RASL12: variants seen among roughly 807,000 people sequenced by gnomAD.
RASL12 encodes the protein RAS like family 12, also known as ras-like protein family member 12.
Under a neutral mutation model 22.9 loss-of-function variants are expected in RASL12, and 16 were observed. That is an observed-to-expected ratio of 0.70 (90% CI 0.47 to 1.06). The LOEUF is 1.06. Among genes scored for constraint, RASL12 ranks in the 50% least tolerant of loss-of-function variants. RASL12 has a pLI of 0.00. For missense variants in RASL12, 306 were observed against 353.1 expected, an observed-to-expected ratio of 0.87 and a Z score of 1.07; for synonymous variants, 159 against 152.2, an observed-to-expected ratio of 1.04 and a Z score of -0.33.
At chr15:65,060,301 A>AT (rs201154868) in intron 2 of RASL12, among the ~76,000 whole-genome samples, 57 of 151,296 alleles carry the variant, frequency 3.8e-4, no homozygotes, top group African/African-American at 1.1e-3. Flanking sequence ...TTCCCAGGTG[A>AT]TTTTTTTTTT....
rs115946255 is a variant in RASL12, at chr15:65,067,197, G to A, written c.103+536C>T. Among the ~76,000 whole-genome samples the A allele has an allele frequency of 8.5e-5, 13 of 152,102 alleles. No homozygotes were observed. The East Asian group carries it at 2.5e-3, about 29-fold the overall frequency. On this transcript the variant is annotated intron_variant, in intron 1 of 4. Coordinates refer to ENST00000220062, the MANE Select transcript of RASL12 (RefSeq NM_016563.4). ...ACCAGCTCCCTTCTACGGGGAGGGG[G>A]TGTGGAGGGGGAGGGGTTGGACGGG...
upstream of RASL12, among the ~76,000 whole-genome samples, chr15:65,068,977 G>C (rs894866075): frequency 1.3e-5 from 2 of 152,218 alleles, no homozygotes; most frequent in African/African-American, 4.8e-5. The surrounding 1 kb of genome is among the most constrained non-coding windows in gnomAD (Gnocchi z 4.2). Context: ...AGAACCCTGT[G>C]AGGCATCTCT....
At chr15:65,066,510 TAA>T (rs58244368) in intron 1 of RASL12, among the ~76,000 whole-genome samples, 1 of 145,446 alleles carries the variant, frequency 6.9e-6, no homozygotes, top group Admixed American at 6.8e-5. Flanking sequence ...GACACTGTCT[TAA>T]AAAAAAAAAA....
chr15:65,053,144 G>A (rs759426278), downstream of RASL12: 31 of 1,613,936 alleles, frequency 1.9e-5, no homozygotes, highest in South Asian at 3.3e-4. Context: ...CCTTCCGGAT[G>A]TACCAGAAAC....
rs1469131771 is a variant in RASL12, at chr15:65,055,022, G to A, written c.678C>T (p.Thr226=). 3.1e-6 allele frequency: 5 copies of A among 1,613,950 alleles called. No homozygotes were observed. Among genetic ancestry groups the A allele is most frequent in the Non-Finnish European group, 4.2e-6 (5 of 1,179,922 alleles). The change falls in exon 5 of 5, where the codon ACC becomes ACT. Residue 226 remains threonine, a synonymous_variant. Transcript: ENST00000220062. ...CAGTGGGCATCTCCTTCAGGTTGAT[G>A]GTGGAGAGCGTGTTGAAGGTGCAGC... is the stretch of plus-strand genomic sequence containing the variant. The part of the protein sequence containing the change: ...LASCTFNTLS[T]INLKEMPTVA...
intron 1 of RASL12, among the ~76,000 whole-genome samples, chr15:65,073,281 A>G (rs183962336): frequency 1.4e-3 from 219 of 152,304 alleles, no homozygotes; most frequent in Non-Finnish European, 2.4e-3. Flanking sequence ...TTATTATAAC[A>G]TATAATGAAA....
downstream of RASL12, chr15:65,051,423 T>G (rs544209355): frequency 5.8e-6 from 7 of 1,214,096 alleles, no homozygotes; most frequent in East Asian, 1.7e-4. Flanking sequence ...GTTGATGCTG[T>G]AAGCTGGGTC....
downstream of RASL12, chr15:65,051,515 C>T (rs1393922669): frequency 6.2e-7 from 1 of 1,613,356 alleles, no homozygotes; most frequent in Non-Finnish European, 8.5e-7. Context: ...CCTTCCCCAG[C>T]ATCTCCCTGG....
downstream of RASL12, among the ~76,000 whole-genome samples, chr15:65,048,510 G>T (rs1361179263): frequency 1.3e-5 from 2 of 152,214 alleles, no homozygotes; most frequent in Admixed American, 1.3e-4. Context: ...AGCACCTAAG[G>T]CAGTGACAGA....
chr15:65,058,622 G>A lies in RASL12; in HGVS notation c.235-5C>T, dbSNP rs1247906763. On this transcript the variant is annotated splice_polypyrimidine_tract_variant and splice_region_variant and intron_variant, in intron 3 of 4. Coordinates refer to ENST00000220062, the MANE Select transcript of RASL12 (RefSeq NM_016563.4). ...CTCGCAGTTCCTGGGGGTGTCCTGG[G>A]GTGAAGGTGAGAAGCCCCGCCGGGG... 2 of 1,521,934 alleles carry A rather than the reference G, an allele frequency of 1.3e-6. No homozygotes were observed. The highest frequency in any genetic ancestry group is 3.8e-5 in the Admixed American group (2 of 52,104). 94.3% of individuals were successfully genotyped at this position (1,521,934 alleles called of 1,614,324 possible). A position where few individuals can be genotyped will look rare whatever the true frequency, so the allele number is the denominator to read the frequency against.
At chr15:65,052,916 T>C (rs1311127076), downstream of RASL12, 1 of 1,584,462 alleles carries the variant, frequency 6.3e-7, no homozygotes, top group South Asian at 1.1e-5. Context: ...GACCCAGTCC[T>C]GCCCCAACCA....
In RASL12 at chr15:65,053,741, G is replaced by T. The variant is rs990446171; in HGVS notation, c.*1158C>A. 1.0e-6 allele frequency: 1 copy of T among 986,392 alleles called. No homozygotes were observed. Among genetic ancestry groups the T allele is most frequent in the Non-Finnish European group, 1.2e-6 (1 of 830,580 alleles). 61.1% of individuals were successfully genotyped at this position (986,392 alleles called of 1,614,324 possible). ...TAAGAGTCTGTGCAAGACTTCCCTG[G>T]GACCTGGCGTGTGGTAAACAAAATC... is the stretch of plus-strand genomic sequence containing the variant. On this transcript the variant is annotated 3_prime_UTR_variant, in exon 5 of 5. Coordinates refer to ENST00000220062, the MANE Select transcript of RASL12 (RefSeq NM_016563.4).
At position 65,065,185 on chromosome 15, in the gene RASL12, G is replaced by A. The variant is rs1432129284; in HGVS notation, c.160+32C>T. ...AGGAGAGCACTCCAGATGGGGCACA[G>A]GCAGCAGAAGGTACGGGGAGTAGTT... On this transcript the variant is annotated intron_variant, in intron 2 of 4. Transcript: ENST00000220062. 2.5e-6 allele frequency: 4 copies of A among 1,605,532 alleles called. No individual in the cohort carries two copies. The African/African-American group carries it at 5.3e-5, about 21-fold the overall frequency.
chr15:65,072,548 A>G (rs2086939174), upstream of RASL12, among the ~76,000 whole-genome samples: 1 of 152,196 alleles, frequency 6.6e-6, no homozygotes, highest in African/African-American at 2.4e-5. Flanking sequence ...TGAATGGCAG[A>G]TACCATTTTA....
chr15:65,057,969 C>T (rs2086753241), intron 4 of RASL12, among the ~76,000 whole-genome samples: 1 of 152,186 alleles, frequency 6.6e-6, no homozygotes. Flanking sequence ...ATCTACCATA[C>T]CCTTACAACA....
chr15:65,049,711 T>C, downstream of RASL12: 1 of 251,106 alleles, frequency 4.0e-6, no homozygotes, highest in African/African-American at 2.2e-5. Context: ...ACACATGCGA[T>C]GGCTTTTAAT....
chr15:65,054,196 C>G lies in RASL12; in HGVS notation c.*703G>C. 4.1e-6 allele frequency: 4 copies of G among 985,950 alleles called. No individual in the cohort carries two copies. Among genetic ancestry groups the G allele is most frequent in the Non-Finnish European group, 4.8e-6 (4 of 829,998 alleles). The allele number at this position is 985,950 out of a possible 1,614,324, so 61.1% of individuals were successfully genotyped here. A position where few individuals can be genotyped will look rare whatever the true frequency, so the allele number is the denominator to read the frequency against. On this transcript the variant is annotated 3_prime_UTR_variant, in exon 5 of 5. Coordinates refer to ENST00000220062, the MANE Select transcript of RASL12 (RefSeq NM_016563.4). Reference sequence around the variant, plus strand: ...CAGAGTCCTTAACAGTGGGAAAACACATGGAGAATCTGTCTGCTGGTGAAA... The same window carrying G: ...CAGAGTCCTTAACAGTGGGAAAACAGATGGAGAATCTGTCTGCTGGTGAAA...
chr15:65,056,576 C>A (rs1015051921), intron 4 of RASL12, among the ~76,000 whole-genome samples: 19 of 152,124 alleles, frequency 1.2e-4, no homozygotes, highest in African/African-American at 4.1e-4. Flanking sequence ...AAACACAAAC[C>A]CCATGTGTGC....
chr15:65,059,609 C>A (rs2086778112), intron 2 of RASL12, among the ~76,000 whole-genome samples, 191 bp from the exon 3 acceptor site: 1 of 152,224 alleles, frequency 6.6e-6, no homozygotes, highest in Non-Finnish European at 1.5e-5. Context: ...AGATGCTGCT[C>A]CACCTGCAGG....
Sources: allele counts gnomAD v4.1 joint callset (sites outside exome capture counted in the v4.1 genomes callset), GRCh38; gene constraint gnomAD v4.1.1; non-coding constraint Gnocchi (gnomAD v3.1); transcripts MANE v1.5; gene names NCBI Gene and HGNC (gene_info 2026-07-23, HGNC 2026-07-21).